The following RIMS1 variants were observed in gnomAD, a reference collection of about 807,000 sequenced individuals.
RIMS1 encodes the protein regulating synaptic membrane exocytosis 1.
A neutral mutation model predicts 214.1 loss-of-function variants in RIMS1; 83 were observed. The ratio of observed to expected loss-of-function variants is 0.39; its 90% CI spans 0.32 to 0.47. The LOEUF is 0.47. Ranked by LOEUF, RIMS1 falls within the 20% of genes least tolerant of loss-of-function variation. The pLI is 0.99. For synonymous variants in RIMS1, 793 were observed against 786.8 expected (o/e 1.01, Z -0.13); for missense variants, 2,050 against 2,161.8 (o/e 0.95, Z 1.03).
At chr6:71,994,628 G>A (rs1439177119) in intron 2 of RIMS1, among the ~76,000 whole-genome samples, 1 of 152,134 alleles carries the variant, frequency 6.6e-6, no homozygotes, top group Non-Finnish European at 1.5e-5. Context: ...CTACTTAGCT[G>A]CCTCAGAATG....
intron 29 of RIMS1, among the ~76,000 whole-genome samples, chr6:72,376,106 T>A (rs1371701127): frequency 1.3e-5 from 2 of 152,206 alleles, no homozygotes; most frequent in African/African-American, 4.8e-5. Flanking sequence ...TTTCTTTTAA[T>A]CTCTTCTTAA....
At chr6:71,906,438 C>T (rs1775276965) in intron 1 of RIMS1, among the ~76,000 whole-genome samples, 1 of 152,252 alleles carries the variant, frequency 6.6e-6, no homozygotes, top group South Asian at 2.1e-4. Context: ...GTTATGGATG[C>T]TATCCCTACT....
At chr6:72,131,907 G>A (rs2040510496) in intron 4 of RIMS1, among the ~76,000 whole-genome samples, 1 of 152,126 alleles carries the variant, frequency 6.6e-6, no homozygotes, top group Admixed American at 6.5e-5. Context: ...TCCTTGCTGA[G>A]AAAAACAATT....
chr6:72,081,592 T>TAA (rs1833414840), intron 2 of RIMS1, among the ~76,000 whole-genome samples: 1 of 152,070 alleles, frequency 6.6e-6, no homozygotes, highest in South Asian at 2.1e-4. Flanking sequence ...TGGTAAGTTT[T>TAA]AAAAATAGAC....
rs1322961426 is a variant in RIMS1 at position 72,096,980 on chromosome 6, G to A, written c.277G>A (p.Glu93Lys). The A allele has an allele frequency of 4.3e-6, 7 of 1,613,662 alleles. No homozygotes were observed. In the African/African-American group the frequency reaches 6.7e-5, roughly 15 times the overall value. The change falls in exon 3 of 34, where the codon GAA becomes AAA. Residue 93 changes from glutamate to lysine, a missense_variant. Coordinates refer to ENST00000521978, the MANE Select transcript of RIMS1 (RefSeq NM_014989.7). ...GCATCAACAGTTTGAAAGCTATAAGGAACAAGTGAGAAAAATAGGGGAAGA... is the reference window on the plus strand; with the variant it reads ...GCATCAACAGTTTGAAAGCTATAAGAAACAAGTGAGAAAAATAGGGGAAGA... ...RLHQQFESYK[E>K]QVRKIGEEAR...
chr6:72,366,790 G>A lies in RIMS1; in HGVS notation c.4367-23808G>A, dbSNP rs190128986. 183 of 985,734 alleles carry A rather than the reference G, an allele frequency of 1.9e-4. 2 individuals carry two copies. The African/African-American group carries it at 2.8e-3, about 15-fold the overall frequency. The allele number at this position is 985,734 out of a possible 1,614,324, so 61.1% of individuals were successfully genotyped here. A position where few individuals can be genotyped will look rare whatever the true frequency, so the allele number is the denominator to read the frequency against. ...CCACCGCACAAGTTATTTAAACCAG[G>A]TCAAAGCTTCTTTGGCATTCAGTTT... On this transcript the variant is annotated intron_variant, in intron 29 of 33. Coordinates refer to ENST00000521978, the MANE Select transcript of RIMS1 (RefSeq NM_014989.7).
intron 31 of RIMS1, among the ~76,000 whole-genome samples, chr6:72,395,359 T>A (rs550174323): frequency 6.6e-6 from 1 of 152,068 alleles, no homozygotes; most frequent in South Asian, 2.1e-4. Flanking sequence ...TTCATGCAAT[T>A]TCAGGACATC....
At chr6:72,344,271 T>TTC (rs1047001514) in intron 29 of RIMS1, among the ~76,000 whole-genome samples, 19 of 151,748 alleles carry the variant, frequency 1.3e-4, no homozygotes, top group Non-Finnish European at 2.4e-4. Context: ...TACCAAAATG[T>TTC]TCTCTGGTAA....
chr6:72,044,205 C>A lies in RIMS1; in HGVS notation c.246-52744C>A, dbSNP rs941305823. Among the ~76,000 whole-genome samples, 6 of 151,710 alleles carry A rather than the reference C, an allele frequency of 4.0e-5. No homozygotes were observed. In the South Asian group the frequency reaches 8.3e-4, roughly 21 times the overall value. On this transcript the variant is annotated intron_variant, in intron 2 of 33. Transcript: ENST00000521978. The stretch of plus-strand genomic sequence containing the variant: ...AAAGAAAACAACAAAAAAAATTAGA[C>A]CTTTACCTCACACCGTATATAAAAA...
chr6:72,271,191 G>A (rs111901138), intron 22 of RIMS1, among the ~76,000 whole-genome samples: 139 of 149,982 alleles, frequency 9.3e-4, no homozygotes, highest in African/African-American at 3.1e-3. Context: ...GCTTGAACCC[G>A]GGGAGCAGAG....
intron 1 of RIMS1, among the ~76,000 whole-genome samples, chr6:71,946,229 C>T (rs978919766): frequency 6.6e-5 from 10 of 152,122 alleles, no homozygotes; most frequent in Admixed American, 3.3e-4. Context: ...AGATTCAATG[C>T]AATCCCTATC....
In RIMS1 at chr6:72,235,649, G is replaced by C. The variant is rs373920978; in HGVS notation, c.1778G>C (p.Gly593Ala). The C allele has an allele frequency of 1.6e-5, 25 of 1,611,064 alleles. No homozygotes were observed. The African/African-American group carries it at 2.1e-4, about 14-fold the overall frequency. The change falls in exon 8 of 34, where the codon GGG (glycine) becomes GCG (alanine). Residue 593 changes from glycine (G) to alanine (A), a missense_variant. Gly to Ala is a moderately conservative substitution (Grantham distance 60). This residue lies in a region of RIMS1 where 882 missense variants were observed against 828.9 expected (regional missense o/e 1.06). Coordinates refer to ENST00000521978, the MANE Select transcript of RIMS1 (RefSeq NM_014989.7). ...HPVTWQPSKE[G>A]DRLIGRVILN... ...GTAACGTGGCAACCATCTAAAGAGG[G>C]GGACCGATTAATTGGACGTGTTATT...
At chr6:72,109,165 G>A (rs1197997847) in intron 4 of RIMS1, among the ~76,000 whole-genome samples, 1 of 152,086 alleles carries the variant, frequency 6.6e-6, no homozygotes, top group East Asian at 1.9e-4. Context: ...AAACATACGT[G>A]TGCATGTGTC....
At chr6:72,130,729 T>C (rs1348709817) in intron 4 of RIMS1, among the ~76,000 whole-genome samples, 1 of 152,196 alleles carries the variant, frequency 6.6e-6, no homozygotes, top group Non-Finnish European at 1.5e-5. Flanking sequence ...GAAAATATTA[T>C]GTCCCACAAC....
intron 2 of RIMS1, among the ~76,000 whole-genome samples, chr6:72,057,498 C>CTTTTT (rs56115719): frequency 1.3e-3 from 161 of 126,190 alleles, no homozygotes; most frequent in Non-Finnish European, 1.5e-3. Context: ...CCTTCTTTTT[C>CTTTTT]TTTTTTTTTT....
chr6:72,284,122 G>C lies in RIMS1; in HGVS notation c.3554+4G>C. 2 of 1,612,298 alleles carry C rather than the reference G, an allele frequency of 1.2e-6. No individual in the cohort carries two copies. Among genetic ancestry groups the C allele is most frequent in the Non-Finnish European group, 1.7e-6 (2 of 1,178,674 alleles). On this transcript the variant is annotated splice_donor_region_variant and intron_variant, in intron 24 of 33. Transcript: ENST00000521978. ...GCACTGCCTCTGATGCAGAAAGGTAGGCTTGGTGTTGTGGTGTGCTGACAT... is the reference window on the plus strand; with the variant it reads ...GCACTGCCTCTGATGCAGAAAGGTACGCTTGGTGTTGTGGTGTGCTGACAT...
intron 9 of RIMS1, among the ~76,000 whole-genome samples, chr6:72,241,605 T>G (rs535927451): frequency 6.6e-6 from 1 of 152,290 alleles, no homozygotes; most frequent in South Asian, 2.1e-4. Context: ...TTGGTTATTT[T>G]AAAGTGTGTT....
rs190807760 is a variant in RIMS1 at position 72,227,380 on chromosome 6, G to C, written c.1679-6393G>C. ...TGCTCTATAGTTATAATGCAGTTTC[G>C]TGCACATTATCTCATTCTACCCTCA... On this transcript the variant is annotated intron_variant, in intron 6 of 33. Coordinates refer to ENST00000521978, the MANE Select transcript of RIMS1 (RefSeq NM_014989.7). Among the ~76,000 whole-genome samples the C allele has an allele frequency of 3.3e-5, 5 of 151,802 alleles. No individual in the cohort carries two copies. In the South Asian group the frequency reaches 6.2e-4, roughly 19 times the overall value.
intron 1 of RIMS1, among the ~76,000 whole-genome samples, chr6:71,897,044 T>C (rs1460420847): frequency 6.6e-6 from 1 of 152,234 alleles, no homozygotes; most frequent in East Asian, 1.9e-4. Context: ...TGTCCTGTTA[T>C]AAATTTCTTG....
Sources: allele counts gnomAD v4.1 joint callset (sites outside exome capture counted in the v4.1 genomes callset), GRCh38; gene constraint gnomAD v4.1.1; regional missense constraint gnomAD v4.1.1; transcripts MANE v1.5; gene names NCBI Gene and HGNC (gene_info 2026-07-23, HGNC 2026-07-21).